The following SPIDR variants were observed in gnomAD, a reference collection of about 807,000 sequenced individuals.
The protein encoded by SPIDR is DNA repair-scaffolding protein.
A neutral mutation model predicts 104.6 loss-of-function variants in SPIDR; 93 were observed. That is an observed-to-expected ratio of 0.89 (90% CI 0.75 to 1.06). The LOEUF is 1.06. Ranked by LOEUF, SPIDR falls within the 50% of genes least tolerant of loss-of-function variation. The probability of loss-of-function intolerance (pLI) is 0.00; values close to 1 mark genes in which losing one functional copy is unlikely to be tolerated. For missense variants in SPIDR, 1,154 were observed against 1,111.2 expected (o/e 1.04, Z -0.55); for synonymous variants, 431 against 416.9 (o/e 1.03, Z -0.41).
At chr8:47,340,789 C>G (rs1554613473) in intron 5 of SPIDR, among the ~76,000 whole-genome samples, 1 of 152,182 alleles carries the variant, frequency 6.6e-6, no homozygotes, top group Non-Finnish European at 1.5e-5. Flanking sequence ...CATAATGAAA[C>G]TTAAAATTCT....
At chr8:47,433,830 T>C (rs1443363007) in intron 7 of SPIDR, among the ~76,000 whole-genome samples, 1 of 152,182 alleles carries the variant, frequency 6.6e-6, no homozygotes, top group Admixed American at 6.5e-5. Flanking sequence ...ACTGTGAACA[T>C]TAACCTTGAC....
At chr8:47,628,942 C>T (rs987092361) in intron 10 of SPIDR, among the ~76,000 whole-genome samples, 18 of 152,148 alleles carry the variant, frequency 1.2e-4, no homozygotes, top group Admixed American at 6.5e-5. Context: ...GAAAATGTAT[C>T]CTCCATTTAA....
Position 47,293,885 on chromosome 8 carries a change from A to C in SPIDR, c.380A>C (p.Asp127Ala). ...TTTTTAGATGAATTACAGTTTATCG[A>C]CTGGGAGATTGACAGTGACAGGGCA... ...QLQRDELQFI[D>A]WEIDSDRAEA... Residue 127 changes from aspartate (D) to alanine (A), a missense_variant, in exon 5 of 20, where the codon GAC becomes GCC. Transcript: ENST00000297423. The C allele has an allele frequency of 1.9e-6, 3 of 1,609,952 alleles. 1 individual carries two copies. Among genetic ancestry groups the C allele is most frequent in the Non-Finnish European group, 8.5e-7 (1 of 1,178,208 alleles).
intron 5 of SPIDR, among the ~76,000 whole-genome samples, chr8:47,387,999 G>A (rs1435494671): frequency 6.6e-6 from 1 of 152,182 alleles, no homozygotes; most frequent in African/African-American, 2.4e-5. Context: ...TAAACTCTCA[G>A]TTGTCTAGAC....
At chr8:47,434,239 C>T (rs1554690840) in intron 7 of SPIDR, among the ~76,000 whole-genome samples, 3 of 152,150 alleles carry the variant, frequency 2.0e-5, no homozygotes. Context: ...AGCAGATGGA[C>T]TTTAAAACCC....
chr8:47,279,816 TTTTG>T (rs2037366865), intron 1 of SPIDR, 42 bp from the exon 2 acceptor site: 3 of 1,558,904 alleles, frequency 1.9e-6, no homozygotes, highest in African/African-American at 2.7e-5. Context: ...ATGAAGTTGA[TTTTG>T]TTTTTTTGTT....
At chr8:47,376,798 T>C (rs2058711770) in intron 5 of SPIDR, among the ~76,000 whole-genome samples, 1 of 152,120 alleles carries the variant, frequency 6.6e-6, no homozygotes, top group Non-Finnish European at 1.5e-5. Flanking sequence ...AAAAAAAAAT[T>C]TTTTTTAACC....
chr8:47,528,315 G>T (rs1359937791), intron 8 of SPIDR, among the ~76,000 whole-genome samples: 1 of 152,094 alleles, frequency 6.6e-6, no homozygotes, highest in African/African-American at 2.4e-5. Flanking sequence ...ATATTGAAAA[G>T]TGAAGTTTTA....
chr8:47,602,648 A>G (rs949976222), intron 10 of SPIDR, among the ~76,000 whole-genome samples: 5 of 152,208 alleles, frequency 3.3e-5, no homozygotes, highest in African/African-American at 9.6e-5. Context: ...GTAGGTGTCA[A>G]TCTCAGTCTG....
chr8:47,518,962 T>TA (rs1198019909), intron 8 of SPIDR, among the ~76,000 whole-genome samples: 3 of 152,188 alleles, frequency 2.0e-5, no homozygotes, highest in Non-Finnish European at 2.9e-5. Context: ...TTTAAAGTCT[T>TA]ACGTTAGCAA....
chr8:47,726,995 C>T (rs1259945189), intron 16 of SPIDR, among the ~76,000 whole-genome samples: 2 of 152,162 alleles, frequency 1.3e-5, no homozygotes, highest in African/African-American at 4.8e-5. Flanking sequence ...AATATGCAGG[C>T]AAGTTTTAAA....
In SPIDR at chr8:47,398,466, TC is replaced by T. The variant is rs2061487595; in HGVS notation, c.776+1842del. Among the ~76,000 whole-genome samples, 14 of 151,608 alleles carry T rather than the reference TC, an allele frequency of 9.2e-5. No homozygotes were observed. In the South Asian group the frequency reaches 2.9e-3, roughly 32 times the overall value. On this transcript the variant is annotated intron_variant, in intron 6 of 19. Coordinates refer to ENST00000297423, the MANE Select transcript of SPIDR (RefSeq NM_001080394.4). Reference sequence around the variant, plus strand: ...AGCAGAAAAGGGGGACAGAAAAGGGTCCAGAGGTGGGGGAGGACATTTCAGT... The same window carrying T: ...AGCAGAAAAGGGGGACAGAAAAGGGTCAGAGGTGGGGGAGGACATTTCAGT...
At chr8:47,633,211 G>A (rs1380418851) in intron 10 of SPIDR, among the ~76,000 whole-genome samples, 1 of 152,178 alleles carries the variant, frequency 6.6e-6, no homozygotes, top group Non-Finnish European at 1.5e-5. Context: ...CATGATAAGT[G>A]TCTGTAATCA....
chr8:47,649,833 A>T (rs183288041), intron 10 of SPIDR, among the ~76,000 whole-genome samples: 13 of 152,356 alleles, frequency 8.5e-5, no homozygotes, highest in African/African-American at 2.9e-4. Flanking sequence ...GATACATCAC[A>T]TTAACAAAAT....
chr8:47,284,992 T>C (rs966421264), intron 3 of SPIDR, among the ~76,000 whole-genome samples: 61 of 152,352 alleles, frequency 4.0e-4, no homozygotes, highest in African/African-American at 9.6e-4. Context: ...GGGATCTTGC[T>C]GTGTCCTGGC....
At chr8:47,638,936 A>G (rs1432500416) in intron 10 of SPIDR, among the ~76,000 whole-genome samples, 3 of 152,200 alleles carry the variant, frequency 2.0e-5, no homozygotes, top group Non-Finnish European at 4.4e-5. Flanking sequence ...ATGATTTACC[A>G]TTCTTTTTAT....
intron 8 of SPIDR, among the ~76,000 whole-genome samples, chr8:47,479,393 A>G (rs1163346712): frequency 3.3e-5 from 5 of 152,080 alleles, no homozygotes; most frequent in Non-Finnish European, 7.4e-5. Flanking sequence ...AAGAAAAGAA[A>G]GACATGTGGA....
At chr8:47,669,242 C>T (rs1253761583) in intron 10 of SPIDR, among the ~76,000 whole-genome samples, 3 of 152,166 alleles carry the variant, frequency 2.0e-5, no homozygotes, top group Non-Finnish European at 4.4e-5. Context: ...TCTGCTCAGA[C>T]CTGTCACACT....
chr8:47,352,084 C>A (rs2053601349), intron 5 of SPIDR, among the ~76,000 whole-genome samples: 1 of 152,056 alleles, frequency 6.6e-6, no homozygotes. Flanking sequence ...CGAGACTATC[C>A]TGGCCAACTT....
Sources: gnomAD v4.1 joint callset for allele counts (sites outside exome capture counted in the v4.1 genomes callset) on GRCh38, gnomAD v4.1.1 for gene constraint, MANE v1.5 for transcripts, NCBI Gene and HGNC (gene_info 2026-07-23, HGNC 2026-07-21) for gene names.